Variants in MAMDC2 observed in about 807,000 individuals in gnomAD.
MAMDC2 encodes MAM domain-containing protein 2.
Under a neutral mutation model 89.8 loss-of-function variants are expected in MAMDC2, and 57 were observed. The ratio of observed to expected loss-of-function variants is 0.63; its 90% CI spans 0.51 to 0.79. The LOEUF (loss-of-function observed/expected upper bound fraction) is 0.79, where lower values mean the gene tolerates loss of function less well. Among genes scored for constraint, MAMDC2 ranks in the 30% least tolerant of loss-of-function variants. MAMDC2 has a pLI of 0.00. For missense variants in MAMDC2, 800 were observed against 820.6 expected (o/e 0.97, Z 0.31); for synonymous variants, 313 against 293.4 (o/e 1.07, Z -0.68).
intron 5 of MAMDC2, among the ~76,000 whole-genome samples, chr9:70,119,732 T>G (rs1419428340): frequency 6.6e-6 from 1 of 152,222 alleles, no homozygotes; most frequent in African/African-American, 2.4e-5. Context: ...CTCTTCATAC[T>G]TCACCTTTTT....
intron 2 of MAMDC2, among the ~76,000 whole-genome samples, chr9:70,100,023 A>AGAGAGAGAGAGC (rs1359855878): frequency 1.5e-4 from 22 of 142,892 alleles, no homozygotes; most frequent in Non-Finnish European, 2.9e-4. Flanking sequence ...AGAGAGAGAG[A>AGAGAGAGAGAGC]GCACAAGCAC....
intron 11 of MAMDC2, among the ~76,000 whole-genome samples, chr9:70,174,676 T>C (rs1418223447): frequency 1.3e-5 from 2 of 151,094 alleles, no homozygotes; most frequent in Non-Finnish European, 2.9e-5. Flanking sequence ...AGAGAAATAA[T>C]GGTAGGCCAG....
At chr9:70,196,780 C>G (rs886836689) in intron 11 of MAMDC2, among the ~76,000 whole-genome samples, 2 of 152,012 alleles carry the variant, frequency 1.3e-5, no homozygotes, top group East Asian at 3.9e-4. Context: ...AACTCTGGTA[C>G]CATGTGGCAA....
At chr9:70,126,508 A>T in intron 6 of MAMDC2, 93 bp downstream of exon 6, 2 of 1,299,710 alleles carry the variant, frequency 1.5e-6, no homozygotes, top group Non-Finnish European at 2.1e-6. Flanking sequence ...GTGCAGCCTC[A>T]CACTCAGTCT....
At chr9:70,129,101 GGAGGTTAACT>G (rs2030685633) in intron 6 of MAMDC2, among the ~76,000 whole-genome samples, 1 of 152,140 alleles carries the variant, frequency 6.6e-6, no homozygotes, top group African/African-American at 2.4e-5. Flanking sequence ...TGAGACCCTG[GGAGGTTAACT>G]GATTGATATG....
At chr9:70,199,866 T>C (rs1357841156) in intron 11 of MAMDC2, among the ~76,000 whole-genome samples, 3 of 151,166 alleles carry the variant, frequency 2.0e-5, no homozygotes, top group African/African-American at 7.3e-5. Context: ...GAAGTGTCTG[T>C]TCATGTCCTT....
chr9:70,048,514 G>A (rs1003435446), intron 2 of MAMDC2, among the ~76,000 whole-genome samples: 1 of 152,160 alleles, frequency 6.6e-6, no homozygotes, highest in Non-Finnish European at 1.5e-5. Context: ...GGCCAGGCTG[G>A]TCTTGAACTC....
At chr9:70,172,957 C>T (rs2032395769) in intron 11 of MAMDC2, 1 of 152,556 alleles carries the variant, frequency 6.6e-6, no homozygotes, top group African/African-American at 2.4e-5. Context: ...AAATACAACT[C>T]AAACTGACTT....
Position 70,113,038 on chromosome 9 carries a change from C to T in MAMDC2, c.549C>T (p.Arg183=). 4 of 1,614,150 alleles carry T rather than the reference C, an allele frequency of 2.5e-6. No homozygotes were observed. Among genetic ancestry groups the T allele is most frequent in the Non-Finnish European group, 3.4e-6 (4 of 1,180,000 alleles). Residue 183 remains arginine, a synonymous_variant, in exon 5 of 14, where the codon CGC becomes CGT. Transcript: ENST00000377182. The part of the protein sequence containing the change: ...EENHLCGFVN[R]WNPNVNWFVG... ...ATCATCTCTGTGGCTTTGTGAACCG[C>T]TGGAATCCCAATGTGAACTGGTTTG...
At chr9:70,130,815 A>C (rs1011386042) in intron 6 of MAMDC2, among the ~76,000 whole-genome samples, 2 of 152,146 alleles carry the variant, frequency 1.3e-5, no homozygotes, top group Admixed American at 6.5e-5. Context: ...AACAAAAAAA[A>C]ACCTGGCCTA....
At chr9:70,064,232 T>C (rs910358083) in intron 2 of MAMDC2, among the ~76,000 whole-genome samples, 3 of 152,096 alleles carry the variant, frequency 2.0e-5, no homozygotes, top group African/African-American at 7.2e-5. Context: ...AGTAGGTTCT[T>C]TGGTGGTGAT....
rs776569887 is a variant in MAMDC2 at position 70,170,580 on chromosome 9, G to A, written c.1600G>A (p.Glu534Lys). The A allele has an allele frequency of 3.1e-6, 5 of 1,612,668 alleles. No homozygotes were observed. The South Asian group carries it at 5.5e-5, about 18-fold the overall frequency. The change falls in exon 11 of 14, where the codon GAA becomes AAA. Residue 534 changes from glutamate (E) to lysine (K), a missense_variant. By Grantham distance (56) the Glu-to-Lys change is moderately conservative. Transcript: ENST00000377182. ...GAGCAGCTGGCACAGGAGGAGGGGA[G>A]AAACTCCCACTTCCTACACAGGACC... ...NRSSWHRRRG[E>K]TPTSYTGPKG...
In MAMDC2 at chr9:70,186,446, T is replaced by A. The variant is rs961736941; in HGVS notation, c.1651+15815T>A. Among the ~76,000 whole-genome samples, 87 of 152,344 alleles carry A rather than the reference T, an allele frequency of 5.7e-4. 1 individual carries two copies. Among genetic ancestry groups the A allele is most frequent in the Admixed American group, 1.2e-3 (18 of 15,292 alleles). On this transcript the variant is annotated intron_variant, in intron 11 of 13. Transcript: ENST00000377182. ...GAATTCTAGGTGAACAATTATTTCC[T>A]TAACAGCCATTTATTTAAAGATGTA...
intron 2 of MAMDC2, among the ~76,000 whole-genome samples, chr9:70,063,434 C>T (rs933110347): frequency 2.6e-5 from 4 of 152,038 alleles, no homozygotes; most frequent in Non-Finnish European, 5.9e-5. Context: ...GAGCATAGTT[C>T]GTGATGTGCG....
intron 11 of MAMDC2, among the ~76,000 whole-genome samples, chr9:70,215,214 C>T (rs931861077): frequency 4.6e-5 from 7 of 152,106 alleles, no homozygotes; most frequent in East Asian, 3.9e-4. Context: ...TGCAAGCCAA[C>T]GTAAGAATGT....
At chr9:70,101,586 TATC>T (rs1460359608) in intron 2 of MAMDC2, among the ~76,000 whole-genome samples, 2 of 152,206 alleles carry the variant, frequency 1.3e-5, no homozygotes, top group Non-Finnish European at 2.9e-5. Context: ...CACAAGTACT[TATC>T]ATTGTGTTTC....
intron 7 of MAMDC2, among the ~76,000 whole-genome samples, chr9:70,132,531 AT>A (rs11334981): frequency 0.66 from 96,471 of 145,138 alleles, 31,846 homozygotes; most frequent in Admixed American, 0.71. Flanking sequence ...GGACTAAGAA[AT>A]TTTTTTTTTT....
At chr9:70,099,933 C>A (rs1465847170) in intron 2 of MAMDC2, among the ~76,000 whole-genome samples, 1 of 150,804 alleles carries the variant, frequency 6.6e-6, no homozygotes, top group East Asian at 2.0e-4. Context: ...TGAGGTTACG[C>A]CACTGCACTC....
At chr9:70,149,683 A>G (rs527807826) in intron 9 of MAMDC2, among the ~76,000 whole-genome samples, 8 of 152,332 alleles carry the variant, frequency 5.3e-5, no homozygotes, top group Admixed American at 3.3e-4. Context: ...TGCATCTACT[A>G]TACTGATTAG....
Sources: allele counts gnomAD v4.1 joint callset (sites outside exome capture counted in the v4.1 genomes callset), GRCh38; gene constraint gnomAD v4.1.1; transcripts MANE v1.5; gene names NCBI Gene and HGNC (gene_info 2026-07-23, HGNC 2026-07-21).